The following MLLT10 variants were observed in gnomAD, a reference collection of about 807,000 sequenced individuals.
MLLT10 encodes protein AF-10.
A neutral mutation model predicts 129.1 loss-of-function variants in MLLT10; 30 were observed. That is an observed-to-expected ratio of 0.23 (90% CI 0.17 to 0.32). The LOEUF is 0.32. Ranked by LOEUF, MLLT10 falls within the 10% of genes least tolerant of loss-of-function variation. The pLI is 1.00. For missense variants in MLLT10, 1,119 were observed against 1,268.3 expected, an observed-to-expected ratio of 0.88 and a Z score of 1.79; for synonymous variants, 490 against 446.4, an observed-to-expected ratio of 1.10 and a Z score of -1.23.
chr10:21,719,518 T>C (rs1049763390), intron 14 of MLLT10, among the ~76,000 whole-genome samples: 33 of 152,354 alleles, frequency 2.2e-4, no homozygotes, highest in Admixed American at 9.8e-4. Context: ...TTCCCAATTA[T>C]GTACTTCTTA....
chr10:21,538,337 A>G (rs2034464632), intron 2 of MLLT10, among the ~76,000 whole-genome samples: 1 of 151,752 alleles, frequency 6.6e-6, no homozygotes, highest in Non-Finnish European at 1.5e-5. Context: ...CTAATTTTGT[A>G]TTTTTAGTAG....
intron 8 of MLLT10, among the ~76,000 whole-genome samples, chr10:21,630,666 G>C (rs1436213315): frequency 1.3e-5 from 2 of 152,220 alleles, no homozygotes; most frequent in Non-Finnish European, 2.9e-5. Context: ...AATGCTAACA[G>C]TCTGGCTTTT....
chr10:21,584,089 C>T (rs181518654), intron 3 of MLLT10, among the ~76,000 whole-genome samples: 20 of 151,314 alleles, frequency 1.3e-4, no homozygotes, highest in African/African-American at 3.2e-4. Flanking sequence ...CAGATGGTCT[C>T]GATCTCCTGA....
At chr10:21,600,441 C>G (rs1193995062) in intron 5 of MLLT10, among the ~76,000 whole-genome samples, 2 of 151,578 alleles carry the variant, frequency 1.3e-5, no homozygotes, top group Non-Finnish European at 2.9e-5. Context: ...GAGATAGACA[C>G]TAAGTTTTAA....
chr10:21,681,462 A>G, intron 12 of MLLT10, 86 bp downstream of exon 12: 1 of 872,326 alleles, frequency 1.1e-6, no homozygotes, highest in East Asian at 2.7e-5. Flanking sequence ...CGGAACCTCT[A>G]AATTTTAATA....
intron 8 of MLLT10, among the ~76,000 whole-genome samples, chr10:21,631,513 A>G (rs2047013760): frequency 6.6e-6 from 1 of 151,886 alleles, no homozygotes; most frequent in Non-Finnish European, 1.5e-5. Flanking sequence ...ATAAATGAGA[A>G]TGAGTAATTT....
intron 2 of MLLT10, among the ~76,000 whole-genome samples, chr10:21,535,949 A>T (rs1378470034): frequency 6.6e-6 from 1 of 151,984 alleles, no homozygotes; most frequent in Non-Finnish European, 1.5e-5. Context: ...TTTACTTTTT[A>T]TTTTGTTGAG....
intron 11 of MLLT10, 77 bp downstream of exon 11, chr10:21,673,996 G>A: frequency 8.9e-7 from 1 of 1,124,178 alleles, no homozygotes; most frequent in Non-Finnish European, 1.2e-6. Flanking sequence ...GTTTTCAACT[G>A]TTGTTACGAT....
At chr10:21,557,155 AAAAAT>A in intron 3 of MLLT10, 2 of 1,353,832 alleles carry the variant, frequency 1.5e-6, no homozygotes, top group Non-Finnish European at 1.9e-6. Context: ...AACTTCCTGA[AAAAAT>A]AAAACTAGTT....
At chr10:21,629,409 A>T (rs1029905888) in intron 8 of MLLT10, among the ~76,000 whole-genome samples, 2 of 151,786 alleles carry the variant, frequency 1.3e-5, no homozygotes, top group Non-Finnish European at 2.9e-5. Flanking sequence ...TCTCTATTGG[A>T]TGCATAGGTA....
At chr10:21,614,770 T>TTATATA (rs1174244272) in intron 6 of MLLT10, 61 bp from the exon 7 acceptor site, 1 of 1,297,730 alleles carries the variant, frequency 7.7e-7, no homozygotes, top group Non-Finnish European at 1.1e-6. Context: ...TTTTATTTGC[T>TTATATA]TATATATACA....
intron 13 of MLLT10, among the ~76,000 whole-genome samples, chr10:21,696,505 C>T (rs1255541963): frequency 6.6e-6 from 1 of 152,182 alleles, no homozygotes; most frequent in Non-Finnish European, 1.5e-5. Flanking sequence ...AAGAATGGCT[C>T]TCACATTGCC....
At chr10:21,719,101 G>A (rs1477960295) in intron 14 of MLLT10, among the ~76,000 whole-genome samples, 2 of 152,160 alleles carry the variant, frequency 1.3e-5, no homozygotes, top group African/African-American at 2.4e-5. Flanking sequence ...AATTAGCTTC[G>A]AATATTTTGT....
chr10:21,619,475 A>T (rs968053973), intron 8 of MLLT10, among the ~76,000 whole-genome samples: 1 of 152,218 alleles, frequency 6.6e-6, no homozygotes, highest in Non-Finnish European at 1.5e-5. Context: ...AGTGCTGATG[A>T]CTACACGTAT....
At chr10:21,695,950 GT>G (rs58949058) in intron 13 of MLLT10, among the ~76,000 whole-genome samples, 3,102 of 131,496 alleles carry the variant, frequency 0.024, 42 homozygotes, top group East Asian at 0.075. Context: ...TTGTGTGTGG[GT>G]TTTTTTTTTT....
At chr10:21,685,097 T>G (rs960981724) in intron 13 of MLLT10, among the ~76,000 whole-genome samples, 1 of 152,210 alleles carries the variant, frequency 6.6e-6, no homozygotes, top group African/African-American at 2.4e-5. Context: ...TTTCTACTCT[T>G]TCTCTGGACA....
chr10:21,534,839 C>T (rs201943431), intron 2 of MLLT10, 35 bp downstream of exon 2: 4 of 1,527,120 alleles, frequency 2.6e-6, no homozygotes, highest in Non-Finnish European at 1.8e-6. Context: ...GCGCGCCGGC[C>T]TGCGCCCAAC....
intron 5 of MLLT10, 47 bp from the exon 6 acceptor site, chr10:21,612,301 T>C (rs1156460032): frequency 1.7e-6 from 2 of 1,175,224 alleles, no homozygotes; most frequent in Admixed American, 4.1e-5. Flanking sequence ...TTCTGATTCA[T>C]GTTAAGAACA....
At chr10:21,669,168 G>T in intron 9 of MLLT10, 1 of 942,882 alleles carries the variant, frequency 1.1e-6, no homozygotes, top group African/African-American at 1.7e-5. Flanking sequence ...TAGTTTGTTA[G>T]AATAGTGGAG....
Sources: gnomAD v4.1 joint callset for allele counts (sites outside exome capture counted in the v4.1 genomes callset) on GRCh38, gnomAD v4.1.1 for gene constraint, MANE v1.5 for transcripts, NCBI Gene and HGNC (gene_info 2026-07-23, HGNC 2026-07-21) for gene names.